Variants in EDC3 observed in about 807,000 individuals in gnomAD.
EDC3 encodes enhancer of mRNA decapping 3, also known as enhancer of mRNA-decapping protein 3.
A neutral mutation model predicts 41.8 loss-of-function variants in EDC3; 20 were observed. That is an observed-to-expected ratio of 0.48 (90% CI 0.34 to 0.70). EDC3 has a LOEUF of 0.70. EDC3 is among the 30% of genes least tolerant of loss of function. The pLI is 0.01. For missense variants in EDC3, 444 were observed against 636.8 expected (o/e 0.70, Z 3.26); for synonymous variants, 206 against 243.2 (o/e 0.85, Z 1.42).
At position 74,632,189 on chromosome 15, in the gene EDC3, G is replaced by A. The variant is rs1490534878; in HGVS notation, c.*423C>T. On this transcript the variant is annotated 3_prime_UTR_variant, in exon 7 of 7. Coordinates refer to ENST00000315127, the MANE Select transcript of EDC3 (RefSeq NM_025083.5). The surrounding 1 kb of genome is among the most constrained non-coding windows in gnomAD (Gnocchi z 4.0). ...TCTACAGAGGAAGGGCTGTCTGCGT[G>A]GGGAAAGCAGGGGAGACACAAAGCC... 4.8e-6 allele frequency: 1 copy of A among 209,866 alleles called. No homozygotes were observed. The highest frequency in any genetic ancestry group is 1.1e-4 in the East Asian group (1 of 9,034). 13.0% of individuals were successfully genotyped at this position (209,866 alleles called of 1,614,324 possible).
At position 74,674,974 on chromosome 15, in the gene EDC3, C is replaced by T; in HGVS notation, c.151G>A (p.Glu51Lys). ...CAGGACACTCACCTGAAGGTGACTTCTGGAACAAGACACTTCACTCCATTA... is the reference window on the plus strand; with the variant it reads ...CAGGACACTCACCTGAAGGTGACTTTTGGAACAAGACACTTCACTCCATTA... ...FHNGVKCLVP[E>K]VTFRAGDITE... Residue 51 changes from glutamate to lysine, a missense_variant, in exon 2 of 7, where the codon GAA becomes AAA. By Grantham distance (56) the Glu-to-Lys change is moderately conservative. Around this residue, in one of 3 missense-constraint regions of EDC3, gnomAD observed 200 missense variants for 244.0 expected, o/e 0.82. Coordinates refer to ENST00000315127, the MANE Select transcript of EDC3 (RefSeq NM_025083.5). The T allele has an allele frequency of 6.2e-7, 1 of 1,614,140 alleles. No homozygotes were observed. Among genetic ancestry groups the T allele is most frequent in the Non-Finnish European group, 8.5e-7 (1 of 1,180,034 alleles).
intron 3 of EDC3, among the ~76,000 whole-genome samples, chr15:74,656,629 G>A (rs951986359): frequency 2.0e-5 from 3 of 152,208 alleles, no homozygotes; most frequent in Non-Finnish European, 4.4e-5. Flanking sequence ...AATGACAGAG[G>A]CAGGAGGCAG....
chr15:74,686,219 G>A (rs965336433), intron 1 of EDC3, among the ~76,000 whole-genome samples: 1 of 152,164 alleles, frequency 6.6e-6, no homozygotes, highest in Non-Finnish European at 1.5e-5. Context: ...CAGTTACTCA[G>A]GAGGCTGAAG....
intron 4 of EDC3, chr15:74,640,919 G>A (rs1427932485): frequency 1.9e-5 from 7 of 370,486 alleles, no homozygotes; most frequent in Middle Eastern, 1.7e-3. Context: ...TAGTGCTATC[G>A]AGACCAGCAC....
chr15:74,652,512 G>A (rs1399588654), intron 4 of EDC3, among the ~76,000 whole-genome samples: 1 of 152,054 alleles, frequency 6.6e-6, no homozygotes, highest in African/African-American at 2.4e-5. Flanking sequence ...ACAGGCATGA[G>A]CCACTGCGCC....
intron 4 of EDC3, among the ~76,000 whole-genome samples, chr15:74,650,861 G>A (rs1469704506): frequency 2.0e-5 from 3 of 152,120 alleles, no homozygotes; most frequent in African/African-American, 7.2e-5. Flanking sequence ...TGCCAGGTGT[G>A]GTGGTGTGTG....
intron 5 of EDC3, chr15:74,640,263 T>C: frequency 3.5e-6 from 2 of 569,862 alleles, no homozygotes; most frequent in Admixed American, 3.3e-5. Flanking sequence ...GCCAGAAGAA[T>C]AATGAGGACA....
chr15:74,654,788 A>G (rs770707722), intron 4 of EDC3, among the ~76,000 whole-genome samples: 1 of 152,002 alleles, frequency 6.6e-6, no homozygotes, highest in Non-Finnish European at 1.5e-5. Flanking sequence ...ACTATTATCT[A>G]TAAAAAAAAA....
In EDC3 at chr15:74,656,019, A is replaced by G; in HGVS notation, c.534T>C (p.Gly178=). The G allele has an allele frequency of 6.2e-7, 1 of 1,613,386 alleles. No individual in the cohort carries two copies. Among genetic ancestry groups the G allele is most frequent in the Non-Finnish European group, 8.5e-7 (1 of 1,179,772 alleles). The change falls in exon 4 of 7, where the codon GGT becomes GGC. Residue 178 remains glycine (G), a synonymous_variant. Coordinates refer to ENST00000315127, the MANE Select transcript of EDC3 (RefSeq NM_025083.5). ...TATTCTTCATCTGGCCATTCTTTAAACCACTTTTCTTGGGAGTTGCCTGAT... is the reference window on the plus strand; with the variant it reads ...TATTCTTCATCTGGCCATTCTTTAAGCCACTTTTCTTGGGAGTTGCCTGAT... ...HPNQATPKKS[G]LKNGQMKNKD... is the part of the protein sequence containing the mutation.
chr15:74,675,254 A>G (rs748040652), intron 1 of EDC3, 112 bp from the exon 2 acceptor site: 1 of 986,800 alleles, frequency 1.0e-6, no homozygotes, highest in Non-Finnish European at 1.5e-6. Context: ...AACATATTCT[A>G]TCACATTGTT....
At chr15:74,646,825 T>C (rs1403323185) in intron 4 of EDC3, among the ~76,000 whole-genome samples, 2 of 151,988 alleles carry the variant, frequency 1.3e-5, no homozygotes, top group South Asian at 2.1e-4. Flanking sequence ...AGGGAAGCTA[T>C]AGGATAGCAT....
intron 4 of EDC3, chr15:74,643,521 T>A (rs192968345): frequency 6.6e-6 from 1 of 152,334 alleles, no homozygotes; most frequent in Admixed American, 6.5e-5. Flanking sequence ...TTCCACTGCA[T>A]GAGGCTGAGG....
chr15:74,635,754 T>A, intron 5 of EDC3, 128 bp from the exon 6 acceptor site: 1 of 887,342 alleles, frequency 1.1e-6, no homozygotes, highest in Admixed American at 2.7e-5. Context: ...AGTCCCAGGC[T>A]CCAGAGGGGG....
chr15:74,669,901 T>C (rs542511847), intron 3 of EDC3, among the ~76,000 whole-genome samples: 1 of 152,096 alleles, frequency 6.6e-6, no homozygotes, highest in South Asian at 2.1e-4. Flanking sequence ...TGAAGTGCAG[T>C]GGCATGATCT....
intron 3 of EDC3, among the ~76,000 whole-genome samples, chr15:74,657,815 G>A (rs1026650383): frequency 6.6e-6 from 1 of 152,184 alleles, no homozygotes; most frequent in East Asian, 1.9e-4. Flanking sequence ...ACTACAAATT[G>A]CTATTCTGAC....
At chr15:74,657,378 CTGAG>C (rs2062562334) in intron 3 of EDC3, among the ~76,000 whole-genome samples, 1 of 152,244 alleles carries the variant, frequency 6.6e-6, no homozygotes, top group Admixed American at 6.5e-5. Context: ...CACAGTGGGT[CTGAG>C]TGAGTGGAGT....
Position 74,655,785 on chromosome 15 carries a change from A to G in EDC3, c.768T>C (p.Ile256=), listed in dbSNP as rs748690391. 1.2e-6 allele frequency: 2 copies of G among 1,613,952 alleles called. No individual in the cohort carries two copies. Among genetic ancestry groups the G allele is most frequent in the Admixed American group, 1.7e-5 (1 of 59,992 alleles). The change falls in exon 4 of 7, where the codon ATT becomes ATC. Residue 256 remains isoleucine, a synonymous_variant. Transcript: ENST00000315127. ...GGGGCACTATGATCCGTCGATAGAC[A>G]ATGGGCTCGGACTCCAAGATGTTCT... ...HDENILESEP[I]VYRRIIVPHN... is the part of the protein sequence containing the mutation.
At chr15:74,665,906 T>C (rs2062671959) in intron 3 of EDC3, among the ~76,000 whole-genome samples, 1 of 151,854 alleles carries the variant, frequency 6.6e-6, no homozygotes, top group Non-Finnish European at 1.5e-5. Context: ...CAGGCAATTC[T>C]TGTGCCTCAG....
chr15:74,637,057 A>C (rs770038268), intron 5 of EDC3: 1 of 152,238 alleles, frequency 6.6e-6, no homozygotes. Context: ...TCTGAGCCAC[A>C]GTGTGCTTAT....
Sources: allele counts gnomAD v4.1 joint callset (sites outside exome capture counted in the v4.1 genomes callset), GRCh38; gene constraint gnomAD v4.1.1; regional missense constraint gnomAD v4.1.1; non-coding constraint Gnocchi (gnomAD v3.1); transcripts MANE v1.5; gene names NCBI Gene and HGNC (gene_info 2026-07-23, HGNC 2026-07-21).